The following ADGRE3 variants were observed in gnomAD, a reference collection of about 807,000 sequenced individuals.
The protein encoded by ADGRE3 is EGF-like module receptor 3.
A neutral mutation model predicts 80.1 loss-of-function variants in ADGRE3; 88 were observed. The ratio of observed to expected loss-of-function variants is 1.10; its 90% confidence interval spans 0.93 to 1.31. ADGRE3 has a LOEUF of 1.31. Among genes scored for constraint, ADGRE3 ranks in the 40% most tolerant of loss-of-function variants. The pLI is 0.00. For synonymous variants in ADGRE3, 281 were observed against 294.8 expected (o/e 0.95, Z 0.48); for missense variants, 715 against 776.5 (o/e 0.92, Z 0.94).
intron 6 of ADGRE3, among the ~76,000 whole-genome samples, chr19:14,654,317 G>A (rs1231348781): frequency 6.7e-6 from 1 of 149,670 alleles, no homozygotes; most frequent in African/African-American, 2.5e-5. Flanking sequence ...GGTTGGAGTG[G>A]CAATGGCATG....
chr19:14,615,453 A>T (rs536452556), downstream of ADGRE3, among the ~76,000 whole-genome samples: 26 of 151,830 alleles, frequency 1.7e-4, no homozygotes, highest in African/African-American at 4.6e-4. Context: ...ATTAAAAAAA[A>T]TTTTTTTTAG....
intron 11 of ADGRE3, among the ~76,000 whole-genome samples, chr19:14,633,719 A>AAAT (rs1970953256): frequency 8.9e-6 from 1 of 112,846 alleles, no homozygotes. Context: ...AAAATAAAAT[A>AAAT]AAATAAAATA....
chr19:14,656,499 A>G (rs1971769217), intron 5 of ADGRE3, among the ~76,000 whole-genome samples: 2 of 149,792 alleles, frequency 1.3e-5, no homozygotes, highest in Admixed American at 1.3e-4. Context: ...AGTCAGGCTG[A>G]GGAGGCGGTG....
At chr19:14,619,905 A>G (rs114665843) in intron 15 of ADGRE3, among the ~76,000 whole-genome samples, 184 of 152,296 alleles carry the variant, frequency 1.2e-3, no homozygotes, top group African/African-American at 4.2e-3. Flanking sequence ...CCACAGAGGA[A>G]CCAACATCTC....
rs376066741 is a variant in ADGRE3 at position 14,633,566 on chromosome 19, G to A, written c.1485-264C>T. Among the ~76,000 whole-genome samples, 206 of 151,872 alleles carry A rather than the reference G, an allele frequency of 1.4e-3. 2 individuals carry two copies. The highest frequency in any genetic ancestry group is 4.6e-3 in the African/African-American group (191 of 41,490). ...CTAAAAATATAAAAATTAGCTGGGC[G>A]TGGTGGCGGGCACCTGTAGTTCCAG... On this transcript the variant is annotated intron_variant, in intron 11 of 15. Transcript: ENST00000253673.
At chr19:14,643,499 T>C (rs1051915253) in intron 9 of ADGRE3, among the ~76,000 whole-genome samples, 1 of 151,990 alleles carries the variant, frequency 6.6e-6, no homozygotes, top group African/African-American at 2.4e-5. Flanking sequence ...AGGTCAACCA[T>C]GTAGGCATTG....
chr19:14,604,167 A>G, the ADGRE3 span, among the ~76,000 whole-genome samples: 1 of 151,876 alleles, frequency 6.6e-6, no homozygotes, highest in South Asian at 2.1e-4. Context: ...CCGCTCTCTG[A>G]TTTTCTGACA....
At chr19:14,607,484 T>G in the ADGRE3 span, among the ~76,000 whole-genome samples, 22 of 151,848 alleles carry the variant, frequency 1.4e-4, no homozygotes, top group East Asian at 1.9e-4. Context: ...ATTACAGGCG[T>G]GAGCCACCGC....
intron 15 of ADGRE3, among the ~76,000 whole-genome samples, chr19:14,623,297 A>AG: frequency 8.1e-6 from 1 of 123,944 alleles, no homozygotes; most frequent in East Asian, 2.5e-4. Context: ...AAAAAAAAAA[A>AG]ATAAAAAAAA....
At chr19:14,618,854 A>AAAAAAAAAAAG (rs2075099354), downstream of ADGRE3, among the ~76,000 whole-genome samples, 2 of 149,734 alleles carry the variant, frequency 1.3e-5, 1 homozygote, top group Non-Finnish European at 3.0e-5. Flanking sequence ...CTCAAAAAAA[A>AAAAAAAAAAAG]AAAAAAAAAA....
At chr19:14,651,379 TA>T (rs373465512) in intron 6 of ADGRE3, among the ~76,000 whole-genome samples, 175 bp from the exon 7 acceptor site, 1,646 of 149,400 alleles carry the variant, frequency 0.011, 32 homozygotes, top group African/African-American at 0.038. Context: ...ATGCTGCCTC[TA>T]AAAAAAAAAT....
the ADGRE3 span, among the ~76,000 whole-genome samples, chr19:14,602,918 A>G: frequency 6.6e-6 from 1 of 152,020 alleles, no homozygotes; most frequent in African/African-American, 2.4e-5. Context: ...TACTTTTGGT[A>G]GAGATGGGGT....
chr19:14,644,332 T>C, intron 8 of ADGRE3, 57 bp from the exon 9 acceptor site: 1 of 1,327,812 alleles, frequency 7.5e-7, no homozygotes, highest in Non-Finnish European at 1.0e-6. Context: ...TTTCTTTTTT[T>C]TTTTTGGAGA....
downstream of ADGRE3, among the ~76,000 whole-genome samples, chr19:14,616,614 C>T (rs1444517903): frequency 6.6e-6 from 1 of 151,564 alleles, no homozygotes; most frequent in Non-Finnish European, 1.5e-5. Flanking sequence ...CAAATGTTGA[C>T]CCAGCGGTCA....
chr19:14,665,225 G>A (rs1449818894), intron 2 of ADGRE3, among the ~76,000 whole-genome samples: 8 of 151,630 alleles, frequency 5.3e-5, no homozygotes, highest in African/African-American at 1.2e-4. Flanking sequence ...CACCACGCCC[G>A]GCTAATTTTT....
intron 7 of ADGRE3, among the ~76,000 whole-genome samples, chr19:14,648,860 G>T (rs1275874578): frequency 6.6e-6 from 1 of 152,046 alleles, no homozygotes. Flanking sequence ...TTTTGGACAT[G>T]TCGGCCTTCC....
chr19:14,620,568 A>ATATTTTTTTT (rs1435435269), intron 15 of ADGRE3, among the ~76,000 whole-genome samples: 2 of 11,052 alleles, frequency 1.8e-4, no homozygotes, highest in African/African-American at 4.1e-4. Context: ...ATATATATAT[A>ATATTTTTTTT]TTTTTTTTTT....
chr19:14,640,540 C>T (rs544098399), intron 10 of ADGRE3, among the ~76,000 whole-genome samples: 12 of 152,176 alleles, frequency 7.9e-5, no homozygotes, highest in Non-Finnish European at 1.5e-4. Flanking sequence ...ATCTGCCCAC[C>T]TCAGTCCCCC....
At chr19:14,641,726 GGACCGTTA>G (rs1971257002) in intron 9 of ADGRE3, 110 bp from the exon 10 acceptor site, 3 of 1,339,924 alleles carry the variant, frequency 2.2e-6, no homozygotes, top group Non-Finnish European at 3.1e-6. Flanking sequence ...TGGTAGTGTG[GGACCGTTA>G]GACTGCTAAT....
Sources: gnomAD v4.1 joint callset for allele counts (sites outside exome capture counted in the v4.1 genomes callset) on GRCh38, gnomAD v4.1.1 for gene constraint, MANE v1.5 for transcripts, NCBI Gene and HGNC (gene_info 2026-07-23, HGNC 2026-07-21) for gene names.